The following LOC128462377 variants were observed in gnomAD, a reference collection of about 807,000 sequenced individuals.
the LOC128462377 span, among the ~76,000 whole-genome samples, chr16:89,390,085 G>A: frequency 1.7e-5 from 1 of 57,546 alleles, no homozygotes; most frequent in South Asian, 5.4e-4. Context: ...GTGGCGGGGA[G>A]CACAGACAGA....
chr16:89,365,974 C>T, the LOC128462377 span, among the ~76,000 whole-genome samples: 1 of 151,914 alleles, frequency 6.6e-6, no homozygotes, highest in Non-Finnish European at 1.5e-5. Context: ...GGTTTTCTGT[C>T]CCTGCATTGG....
chr16:89,323,779 C>G, the LOC128462377 span: 12 of 253,026 alleles, frequency 4.7e-5, no homozygotes, highest in Non-Finnish European at 8.5e-5. Flanking sequence ...CGCACCAGCT[C>G]TCTCTCCTTC....
chr16:89,340,674 GAC>G, the LOC128462377 span, among the ~76,000 whole-genome samples: 1 of 152,164 alleles, frequency 6.6e-6, no homozygotes, highest in Admixed American at 6.5e-5. Flanking sequence ...TACAAAAAGA[GAC>G]AATATAATTA....
chr16:89,406,029 G>C, the LOC128462377 span, among the ~76,000 whole-genome samples: 2 of 147,152 alleles, frequency 1.4e-5, no homozygotes, highest in African/African-American at 5.1e-5. Context: ...AGAATCACCT[G>C]AACCCCGAAG....
chr16:89,375,589 G>A, the LOC128462377 span, among the ~76,000 whole-genome samples: 2 of 151,988 alleles, frequency 1.3e-5, no homozygotes, highest in Middle Eastern at 3.4e-3. Context: ...CCTCCCGAGT[G>A]ATTACAGGCG....
chr16:89,414,098 T>G, the LOC128462377 span, among the ~76,000 whole-genome samples: 4 of 152,198 alleles, frequency 2.6e-5, no homozygotes, highest in Admixed American at 2.6e-4. Context: ...GACTGCGCAC[T>G]CGGGGACACT....
the LOC128462377 span, among the ~76,000 whole-genome samples, chr16:89,320,774 C>T: frequency 7.2e-5 from 11 of 152,380 alleles, 1 homozygote; most frequent in South Asian, 2.1e-3. Context: ...ACAGTGTCTG[C>T]GGCCAGCTCT....
the LOC128462377 span, among the ~76,000 whole-genome samples, chr16:89,368,461 TC>T: frequency 4.4e-5 from 6 of 137,536 alleles, no homozygotes; most frequent in African/African-American, 1.6e-4. Context: ...GACCTCGTGA[TC>T]CACCTGCCTC....
the LOC128462377 span, among the ~76,000 whole-genome samples, chr16:89,330,810 G>A: frequency 6.6e-6 from 1 of 152,240 alleles, no homozygotes; most frequent in South Asian, 2.1e-4. Context: ...CTTCTGAAGG[G>A]AGGCAGATCA....
chr16:89,384,487 C>A, the LOC128462377 span, among the ~76,000 whole-genome samples: 3 of 150,564 alleles, frequency 2.0e-5, no homozygotes, highest in Admixed American at 1.3e-4. Context: ...GGGAATGGGA[C>A]GAGATGGAAA....
the LOC128462377 span, among the ~76,000 whole-genome samples, chr16:89,409,525 C>T: frequency 6.6e-6 from 1 of 152,080 alleles, no homozygotes; most frequent in Non-Finnish European, 1.5e-5. Flanking sequence ...TTCACAAGAG[C>T]AGGAAAGGCT....
At chr16:89,352,903 T>C in the LOC128462377 span, among the ~76,000 whole-genome samples, 5 of 152,234 alleles carry the variant, frequency 3.3e-5, no homozygotes, top group African/African-American at 1.2e-4. Context: ...CTTCACGGCA[T>C]GTTTAAGCAA....
At chr16:89,329,862 C>T in the LOC128462377 span, among the ~76,000 whole-genome samples, 1 of 152,006 alleles carries the variant, frequency 6.6e-6, no homozygotes, top group Admixed American at 6.6e-5. Flanking sequence ...AAAAATTAGC[C>T]GGGCATGGTG....
chr16:89,384,879 CTTTTTTTTT>C, the LOC128462377 span, among the ~76,000 whole-genome samples: 144 of 49,948 alleles, frequency 2.9e-3, 1 homozygote, highest in African/African-American at 5.1e-3. Context: ...AAATAGTTTT[CTTTTTTTTT>C]TTTTTTTTTT....
At chr16:89,394,436 C>A in the LOC128462377 span, among the ~76,000 whole-genome samples, 2 of 152,200 alleles carry the variant, frequency 1.3e-5, no homozygotes, top group Non-Finnish European at 2.9e-5. Context: ...CAAGACCAGA[C>A]TGGCCAACAT....
At chr16:89,357,294 A>G in the LOC128462377 span, among the ~76,000 whole-genome samples, 4 of 152,292 alleles carry the variant, frequency 2.6e-5, no homozygotes, top group Admixed American at 2.6e-4. Context: ...AAGGAAGGGC[A>G]GTCAGGGACT....
chr16:89,384,670 A>T, the LOC128462377 span, among the ~76,000 whole-genome samples: 1 of 152,080 alleles, frequency 6.6e-6, no homozygotes, highest in Non-Finnish European at 1.5e-5. Flanking sequence ...AGCTGCGAAG[A>T]CACAAACTAC....
At chr16:89,324,084 T>A in the LOC128462377 span, among the ~76,000 whole-genome samples, 1 of 152,328 alleles carries the variant, frequency 6.6e-6, no homozygotes, top group Middle Eastern at 3.4e-3. Flanking sequence ...TCTCTTGACC[T>A]CATGATCTGC....
At chr16:89,337,513 T>C in the LOC128462377 span, among the ~76,000 whole-genome samples, 1 of 128,586 alleles carries the variant, frequency 7.8e-6, no homozygotes, top group Non-Finnish European at 1.6e-5. Flanking sequence ...CTCAGCTCAC[T>C]ACAAGCTCCG....
Sources: gnomAD v4.1 joint callset for allele counts (sites outside exome capture counted in the v4.1 genomes callset) on GRCh38, gnomAD v4.1.1 for gene constraint, MANE v1.5 for transcripts.